Variants in ABCD3 observed in about 807,000 individuals in gnomAD.
ABCD3 encodes the protein ATP binding cassette subfamily D member 3.
Under a neutral mutation model 105.5 loss-of-function variants are expected in ABCD3, and 41 were observed. That is an observed-to-expected ratio of 0.39 (90% CI 0.30 to 0.50). The LOEUF (loss-of-function observed/expected upper bound fraction) is 0.50. Among genes scored for constraint, ABCD3 ranks in the 20% least tolerant of loss-of-function variants. The pLI is 0.84. For synonymous variants in ABCD3, 258 were observed against 269.0 expected (o/e 0.96, Z 0.40); for missense variants, 622 against 806.3 (o/e 0.77, Z 2.77).
chr1:94,515,336 T>G, intron 22 of ABCD3, 134 bp downstream of exon 22: 1 of 723,516 alleles, frequency 1.4e-6, no homozygotes, highest in South Asian at 1.7e-5. Context: ...GGTGGTTTTG[T>G]TTTATAAAAT....
At chr1:94,509,381 C>T (rs1017918519) in intron 21 of ABCD3, among the ~76,000 whole-genome samples, 5 of 152,082 alleles carry the variant, frequency 3.3e-5, no homozygotes, top group African/African-American at 4.8e-5. Context: ...GTGCTGGATT[C>T]GGTTTGCGAG....
At chr1:94,510,493 A>C (rs1650606043) in intron 21 of ABCD3, among the ~76,000 whole-genome samples, 1 of 152,178 alleles carries the variant, frequency 6.6e-6, no homozygotes, top group African/African-American at 2.4e-5. Context: ...AGTTCTGTAG[A>C]TGTCTATTAG....
At chr1:94,390,286 A>G in the ABCD3 span, among the ~76,000 whole-genome samples, 8 of 151,688 alleles carry the variant, frequency 5.3e-5, no homozygotes, top group Admixed American at 1.3e-4. Flanking sequence ...GCACTTATTA[A>G]TTTTTTTTAT....
At position 94,499,543 on chromosome 1, in the gene ABCD3, C is replaced by T; in HGVS notation, c.1669C>T (p.Arg557Cys). The T allele has an allele frequency of 1.2e-6, 2 of 1,613,494 alleles. No individual in the cohort carries two copies. Among genetic ancestry groups the T allele is most frequent in the Non-Finnish European group, 1.7e-6 (2 of 1,179,640 alleles). Residue 557 changes from arginine (R) to cysteine (C), a missense_variant, in exon 20 of 23, where the codon CGT becomes TGT. Transcript: ENST00000370214. The part of the protein sequence containing the change: ...DNVQLGHILE[R>C]EGGWDSVQDW... ...TGTCCAGTTGGGTCATATCCTTGAA[C>T]GTGAAGGAGGCTGGGACAGTGTTCA...
intron 1 of ABCD3, among the ~76,000 whole-genome samples, chr1:94,449,409 A>G (rs900200727): frequency 6.6e-6 from 1 of 152,224 alleles, no homozygotes; most frequent in African/African-American, 2.4e-5. Flanking sequence ...AGTGATTACC[A>G]TTGCCGTGAG....
At chr1:94,390,923 G>C in the ABCD3 span, among the ~76,000 whole-genome samples, 1 of 152,210 alleles carries the variant, frequency 6.6e-6, no homozygotes, top group Admixed American at 6.5e-5. Context: ...TCTAACTGGA[G>C]CATAATAAAG....
chr1:94,432,931 T>G (rs1277096361), intron 1 of ABCD3, among the ~76,000 whole-genome samples: 1 of 151,878 alleles, frequency 6.6e-6, no homozygotes, highest in Admixed American at 6.6e-5. Flanking sequence ...CTCGGCTCAC[T>G]GCAACCTCTG....
chr1:94,492,953 G>T (rs1420501475), intron 16 of ABCD3, among the ~76,000 whole-genome samples: 1 of 152,040 alleles, frequency 6.6e-6, no homozygotes, highest in African/African-American at 2.4e-5. Flanking sequence ...ATAGACTTCT[G>T]TCGTTTCTAT....
At chr1:94,442,551 G>A (rs570043168) in intron 1 of ABCD3, among the ~76,000 whole-genome samples, 1 of 152,182 alleles carries the variant, frequency 6.6e-6, no homozygotes, top group South Asian at 2.1e-4. Context: ...TGAAGTCTGG[G>A]CTTTTAGTGT....
At chr1:94,489,296 G>T (rs774727431) in intron 13 of ABCD3, among the ~76,000 whole-genome samples, 8 of 151,970 alleles carry the variant, frequency 5.3e-5, no homozygotes, top group Non-Finnish European at 7.4e-5. Flanking sequence ...CATGCATTCG[G>T]CATACATTTA....
chr1:94,418,334 G>A (rs1272620317), upstream of ABCD3: 7 of 541,388 alleles, frequency 1.3e-5, no homozygotes, highest in African/African-American at 1.4e-4. Context: ...CGGGCGGCGC[G>A]GCGGCGCGAG....
the ABCD3 span, among the ~76,000 whole-genome samples, chr1:94,408,675 T>A: frequency 1.3e-5 from 2 of 152,112 alleles, no homozygotes; most frequent in African/African-American, 4.8e-5. Context: ...TCCATATGGC[T>A]GGATGAGCAG....
chr1:94,499,072 C>A, intron 19 of ABCD3, 38 bp downstream of exon 19: 1 of 1,501,534 alleles, frequency 6.7e-7, no homozygotes, highest in East Asian at 2.3e-5. Context: ...ACTGAAAATA[C>A]TCCAGATTAT....
intron 1 of ABCD3, among the ~76,000 whole-genome samples, chr1:94,423,657 A>G (rs1002798318): frequency 2.6e-5 from 4 of 152,200 alleles, no homozygotes; most frequent in East Asian, 1.9e-4. Flanking sequence ...AGCATAGTGA[A>G]CAGCTTAAAA....
chr1:94,438,066 A>G (rs1373641902), intron 1 of ABCD3, among the ~76,000 whole-genome samples: 1 of 152,112 alleles, frequency 6.6e-6, no homozygotes, highest in Non-Finnish European at 1.5e-5. Flanking sequence ...AGGCGGGCAG[A>G]TCACGAGGTC....
At chr1:94,419,396 CT>C in intron 1 of ABCD3, 1 of 972,074 alleles carries the variant, frequency 1.0e-6, no homozygotes, top group Non-Finnish European at 1.2e-6. Flanking sequence ...TTAGATTTAA[CT>C]TTGGGAGGTT....
At chr1:94,480,669 A>C (rs1648987141) in intron 9 of ABCD3, 63 bp downstream of exon 9, 2 of 1,569,994 alleles carry the variant, frequency 1.3e-6, no homozygotes, top group Non-Finnish European at 1.7e-6. Flanking sequence ...ATGTCATTTA[A>C]ATTGACTCCA....
At chr1:94,444,791 T>A (rs952211621) in intron 1 of ABCD3, among the ~76,000 whole-genome samples, 2 of 152,210 alleles carry the variant, frequency 1.3e-5, no homozygotes, top group Admixed American at 6.5e-5. Context: ...TGTTGATTTC[T>A]TTTTTCCATT....
intron 21 of ABCD3, among the ~76,000 whole-genome samples, chr1:94,509,329 G>T (rs1650533071): frequency 6.6e-6 from 1 of 152,230 alleles, no homozygotes. Flanking sequence ...GCATCCCAGG[G>T]ATGAAGCCCA....
Sources: gnomAD v4.1 joint callset for allele counts (sites outside exome capture counted in the v4.1 genomes callset) on GRCh38, gnomAD v4.1.1 for gene constraint, MANE v1.5 for transcripts, NCBI Gene and HGNC (gene_info 2026-07-23, HGNC 2026-07-21) for gene names.